Variants in N4BP1 observed in about 807,000 individuals in gnomAD.
N4BP1 encodes NEDD4 binding protein 1.
In N4BP1, 21 loss-of-function variants were observed where a neutral mutation model predicts 70.9. The ratio of observed to expected loss-of-function variants is 0.30; its 90% confidence interval spans 0.21 to 0.43. N4BP1 has a LOEUF of 0.43. N4BP1 is among the 20% of genes least tolerant of loss of function. The probability of loss-of-function intolerance (pLI) is 1.00; values close to 1 mark genes in which losing one functional copy is unlikely to be tolerated. For synonymous variants in N4BP1, 387 were observed against 394.6 expected, an observed-to-expected ratio of 0.98 and a Z score of 0.23; for missense variants, 936 against 1,069.4, an observed-to-expected ratio of 0.88 and a Z score of 1.74.
intron 1 of N4BP1, among the ~76,000 whole-genome samples, chr16:48,602,293 T>A (rs540514698): frequency 1.1e-4 from 17 of 152,348 alleles, no homozygotes; most frequent in South Asian, 4.1e-4. Context: ...AAAAGTTTTT[T>A]AATTAATTAC....
At chr16:48,549,557 G>A (rs1963636223) in intron 4 of N4BP1, among the ~76,000 whole-genome samples, 1 of 152,236 alleles carries the variant, frequency 6.6e-6, no homozygotes. Context: ...TCACAGAGCT[G>A]AGCAGAAGTG....
At chr16:48,543,441 G>C (rs953695259) in intron 6 of N4BP1, among the ~76,000 whole-genome samples, 180 bp from the exon 7 acceptor site, 1 of 152,140 alleles carries the variant, frequency 6.6e-6, no homozygotes, top group Non-Finnish European at 1.5e-5. Flanking sequence ...GGAGCCTGCG[G>C]GGATTTCACT....
chr16:48,556,283 A>T lies in N4BP1; in HGVS notation c.1890-2614T>A, dbSNP rs536323561. Among the ~76,000 whole-genome samples the T allele has an allele frequency of 2.0e-5, 3 of 152,342 alleles. No homozygotes were observed. In the South Asian group the frequency reaches 6.2e-4, roughly 32 times the overall value. On this transcript the variant is annotated intron_variant, in intron 2 of 6. Coordinates refer to ENST00000262384, the MANE Select transcript of N4BP1 (RefSeq NM_153029.4). ...AATGACAAAAAATTAAGTGAAGCCAAATTATTGTCCTCAAAATAATACAGA... is the reference window on the plus strand; with the variant it reads ...AATGACAAAAAATTAAGTGAAGCCATATTATTGTCCTCAAAATAATACAGA...
In N4BP1 at chr16:48,609,799, C is replaced by T; in HGVS notation, c.174G>A (p.Ala58=). 6.8e-7 allele frequency: 1 copy of T among 1,465,972 alleles called. No homozygotes were observed. The highest frequency in any genetic ancestry group is 9.0e-7 in the Non-Finnish European group (1 of 1,112,472). 90.8% of individuals were successfully genotyped at this position (1,465,972 alleles called of 1,614,324 possible). The change falls in exon 1 of 7, where the codon GCG becomes GCA. Residue 58 remains alanine, a synonymous_variant. Transcript: ENST00000262384. ...CCTTGGCGCTGTGCACCGCCTCCTGCGCCCCGCAGAGCTGCAGCCAGATGC... is the reference window on the plus strand; with the variant it reads ...CCTTGGCGCTGTGCACCGCCTCCTGTGCCCCGCAGAGCTGCAGCCAGATGC... The part of the protein sequence containing the change: ...PARIWLQLCG[A]QEAVHSAKEY...
At chr16:48,582,621 ATTAG>A (rs1350818294) in intron 1 of N4BP1, among the ~76,000 whole-genome samples, 1 of 152,194 alleles carries the variant, frequency 6.6e-6, no homozygotes, top group African/African-American at 2.4e-5. Flanking sequence ...TTTTTCTATT[ATTAG>A]TAATTGTCGT....
intron 1 of N4BP1, among the ~76,000 whole-genome samples, chr16:48,582,188 A>G (rs1964183478): frequency 6.6e-6 from 1 of 152,254 alleles, no homozygotes; most frequent in African/African-American, 2.4e-5. Flanking sequence ...CAGGTACAGT[A>G]GTGAGTCCCC....
intron 1 of N4BP1, among the ~76,000 whole-genome samples, chr16:48,587,755 A>G (rs1283272591): frequency 1.3e-5 from 2 of 152,216 alleles, no homozygotes; most frequent in African/African-American, 2.4e-5. Flanking sequence ...GGCCACTATT[A>G]AAGAACAAGA....
chr16:48,561,106 T>C lies in N4BP1; in HGVS notation c.1537A>G (p.Ser513Gly), dbSNP rs1963848957. ...AAAAGTGGAACTCTGGGCTGGTGAC[T>C]TGAAGCTCCCCTTGAAACAAAATTG... ...EVNFVSRGAS[S>G]HQPRVPLFPE... Residue 513 changes from serine to glycine, a missense_variant, in exon 2 of 7, where the codon AGT (serine) becomes GGT (glycine). Physicochemically the swap from Ser to Gly is moderately conservative, Grantham distance 56. Coordinates refer to ENST00000262384, the MANE Select transcript of N4BP1 (RefSeq NM_153029.4). 4.3e-6 allele frequency: 7 copies of C among 1,613,906 alleles called. No individual in the cohort carries two copies. The highest frequency in any genetic ancestry group is 5.9e-6 in the Non-Finnish European group (7 of 1,179,890).
intron 1 of N4BP1, among the ~76,000 whole-genome samples, chr16:48,606,069 G>A (rs1964576828): frequency 6.6e-6 from 1 of 152,076 alleles, no homozygotes; most frequent in African/African-American, 2.4e-5. Flanking sequence ...TCTCCCCTAA[G>A]AGGCAACGTG....
At chr16:48,565,041 T>C (rs998627166) in intron 1 of N4BP1, among the ~76,000 whole-genome samples, 1 of 152,266 alleles carries the variant, frequency 6.6e-6, no homozygotes, top group Non-Finnish European at 1.5e-5. Context: ...AACTCACTTA[T>C]TCCTATTGAA....
At chr16:48,555,382 G>T (rs1002304643) in intron 2 of N4BP1, among the ~76,000 whole-genome samples, 3 of 152,218 alleles carry the variant, frequency 2.0e-5, no homozygotes, top group African/African-American at 7.2e-5. Context: ...CACCCCACCT[G>T]CATGTGCGTT....
rs1001843796 is a variant in N4BP1 at position 48,590,042 on chromosome 16, T to C, written c.198+19733A>G. Among the ~76,000 whole-genome samples the C allele has an allele frequency of 2.6e-5, 4 of 152,288 alleles. 1 individual carries two copies. The highest frequency in any genetic ancestry group is 2.1e-4 in the South Asian group (1 of 4,822). On this transcript the variant is annotated intron_variant, in intron 1 of 6. Transcript: ENST00000262384. ...ATTAGAAATGATGGTTTAGGAGTCA[T>C]ATAGCTTCTGGCTCCAAGAGTCTGA...
At chr16:48,587,652 C>T (rs1286895866) in intron 1 of N4BP1, among the ~76,000 whole-genome samples, 1 of 152,150 alleles carries the variant, frequency 6.6e-6, no homozygotes, top group Non-Finnish European at 1.5e-5. Flanking sequence ...GAATTTGGCC[C>T]CCTTTTTACC....
Position 48,538,906 on chromosome 16 carries a change from G to A in N4BP1, c.*3998C>T, listed in dbSNP as rs1224. On this transcript the variant is annotated 3_prime_UTR_variant, in exon 7 of 7. Transcript: ENST00000262384. ...AGCCAGAGTGGCAAGTGCTCAAAGC[G>A]AGACACAAAGTGCTGTGCGGTCACA... 61,823 of 152,084 alleles carry A rather than the reference G, an allele frequency of 0.41. 13,599 individuals are homozygous for A. The highest frequency in any genetic ancestry group is 0.58 in the African/African-American group (23,852 of 41,468). 9.4% of individuals were successfully genotyped at this position (152,084 alleles called of 1,614,324 possible). A position where few individuals can be genotyped will look rare whatever the true frequency, so the allele number is the denominator to read the frequency against.
intron 4 of N4BP1, among the ~76,000 whole-genome samples, chr16:48,549,564 A>G (rs1238042579): frequency 6.6e-6 from 1 of 152,222 alleles, no homozygotes; most frequent in Non-Finnish European, 1.5e-5. Context: ...GCTGAGCAGA[A>G]GTGTCCTTCC....
chr16:48,590,928 T>C (rs1964328006), intron 1 of N4BP1, among the ~76,000 whole-genome samples: 2 of 152,058 alleles, frequency 1.3e-5, no homozygotes, highest in Admixed American at 1.3e-4. Flanking sequence ...TCCAGAAGAT[T>C]TAGGGGAGAT....
At chr16:48,545,964 G>C in intron 6 of N4BP1, 183 bp downstream of exon 6, 1 of 461,964 alleles carries the variant, frequency 2.2e-6, no homozygotes, top group Non-Finnish European at 3.8e-6. Flanking sequence ...TGGGGCAAAG[G>C]TTGCAGTGAG....
chr16:48,562,204 G>A lies in N4BP1; in HGVS notation c.439C>T (p.Leu147=). 1 of 1,613,930 alleles carries A rather than the reference G, an allele frequency of 6.2e-7. No individual in the cohort carries two copies. Among genetic ancestry groups the A allele is most frequent in the Non-Finnish European group, 8.5e-7 (1 of 1,179,888 alleles). ...FVKLFENKEN[L]PSSQKESEVK... is the part of the protein sequence containing the mutation. ...TCTGATTCTTTCTGACTACTGGGTAGGTTCTCTTTATTTTCAAAGAGCTTT... is the reference window on the plus strand; with the variant it reads ...TCTGATTCTTTCTGACTACTGGGTAAGTTCTCTTTATTTTCAAAGAGCTTT... Residue 147 remains leucine (L), a synonymous_variant, in exon 2 of 7, where the codon CTA becomes TTA. Coordinates refer to ENST00000262384, the MANE Select transcript of N4BP1 (RefSeq NM_153029.4).
Position 48,610,018 on chromosome 16 carries a change from A to G in N4BP1, c.-46T>C, listed in dbSNP as rs1964660962. ...GCGGCGCCGGGGGCCGGCGGCGGCG[A>G]CGCCCCCTCAGCTTGCTGCCGCTGC... On this transcript the variant is annotated 5_prime_UTR_variant, in exon 1 of 7. Coordinates refer to ENST00000262384, the MANE Select transcript of N4BP1 (RefSeq NM_153029.4). 5 of 1,052,708 alleles carry G rather than the reference A, an allele frequency of 4.7e-6. No individual in the cohort carries two copies. Among genetic ancestry groups the G allele is most frequent in the Non-Finnish European group, 5.8e-6 (5 of 865,296 alleles). 65.2% of individuals were successfully genotyped at this position (1,052,708 alleles called of 1,614,324 possible).
Sources: gnomAD v4.1 joint callset for allele counts (sites outside exome capture counted in the v4.1 genomes callset) on GRCh38, gnomAD v4.1.1 for gene constraint, MANE v1.5 for transcripts, NCBI Gene and HGNC (gene_info 2026-07-23, HGNC 2026-07-21) for gene names.